B3GALT1: variants seen among roughly 807,000 people sequenced by gnomAD.
B3GALT1 encodes the protein beta-1,3-galactosyltransferase 1.
A neutral mutation model predicts 23.2 loss-of-function variants in B3GALT1; 10 were observed. The ratio of observed to expected loss-of-function variants is 0.43; its 90% CI spans 0.27 to 0.73. The LOEUF is 0.73. B3GALT1 is among the 30% of genes least tolerant of loss of function. The probability of loss-of-function intolerance (pLI) is 0.21; values close to 1 mark genes in which losing one functional copy is unlikely to be tolerated. For synonymous variants in B3GALT1, 156 were observed against 141.5 expected, an observed-to-expected ratio of 1.10 and a Z score of -0.73; for missense variants, 299 against 405.4, an observed-to-expected ratio of 0.74 and a Z score of 2.25.
At chr2:167,762,281 C>T (rs1296256247) in intron 3 of B3GALT1, among the ~76,000 whole-genome samples, 3 of 152,080 alleles carry the variant, frequency 2.0e-5, no homozygotes, top group African/African-American at 7.2e-5. Context: ...CCAATACATA[C>T]AAGAAATTCA....
intron 2 of B3GALT1, among the ~76,000 whole-genome samples, chr2:167,581,872 C>T (rs770264874): frequency 6.6e-6 from 1 of 151,988 alleles, no homozygotes; most frequent in Non-Finnish European, 1.5e-5. Flanking sequence ...ATTAGAGTGC[C>T]GAGAAATAAA....
intron 2 of B3GALT1, among the ~76,000 whole-genome samples, chr2:167,599,454 C>T (rs561810875): frequency 6.6e-6 from 1 of 152,290 alleles, no homozygotes; most frequent in East Asian, 1.9e-4. Flanking sequence ...TCCATGTGCA[C>T]ATCACATTCA....
intron 2 of B3GALT1, among the ~76,000 whole-genome samples, chr2:167,582,173 C>G (rs1574151327): frequency 6.6e-6 from 1 of 152,140 alleles, no homozygotes; most frequent in Non-Finnish European, 1.5e-5. Flanking sequence ...AGCCGGTTGA[C>G]CAGTTTAATT....
chr2:167,460,471 T>A (rs1159692215), intron 1 of B3GALT1, among the ~76,000 whole-genome samples: 5 of 152,162 alleles, frequency 3.3e-5, no homozygotes, highest in Non-Finnish European at 1.5e-5. Context: ...GATTTTTTTG[T>A]CTCTTTCCTG....
chr2:167,741,929 AATAT>A, intron 3 of B3GALT1, among the ~76,000 whole-genome samples: 1 of 152,340 alleles, frequency 6.6e-6, no homozygotes, highest in Admixed American at 6.5e-5. Flanking sequence ...TAAGGAATAT[AATAT>A]ACCACAAGGT....
chr2:167,611,995 G>T (rs1393804874), intron 2 of B3GALT1, among the ~76,000 whole-genome samples: 1 of 151,996 alleles, frequency 6.6e-6, no homozygotes, highest in African/African-American at 2.4e-5. Context: ...GCCTGTTGAT[G>T]AATTGCTTTA....
At chr2:167,484,475 C>G (rs886185893) in intron 1 of B3GALT1, among the ~76,000 whole-genome samples, 4 of 152,152 alleles carry the variant, frequency 2.6e-5, no homozygotes, top group African/African-American at 7.2e-5. Flanking sequence ...TCAATCAATA[C>G]TATGAGTTAT....
At chr2:167,808,738 T>C (rs1460972685) in intron 3 of B3GALT1, among the ~76,000 whole-genome samples, 1 of 152,108 alleles carries the variant, frequency 6.6e-6, no homozygotes, top group Non-Finnish European at 1.5e-5. Context: ...ATTTCAACTT[T>C]GGTGAATCTG....
intron 1 of B3GALT1, among the ~76,000 whole-genome samples, chr2:167,351,138 G>A (rs889476605): frequency 1.2e-4 from 18 of 151,856 alleles, no homozygotes; most frequent in Non-Finnish European, 5.9e-5. Flanking sequence ...GCATGGTGGC[G>A]GGTGCCTGTA....
At chr2:167,431,489 A>G (rs1698703021) in intron 1 of B3GALT1, among the ~76,000 whole-genome samples, 1 of 152,232 alleles carries the variant, frequency 6.6e-6, no homozygotes, top group South Asian at 2.1e-4. Context: ...TCATGTTTAA[A>G]TGACAGTTTA....
At chr2:167,301,215 A>T (rs1243070066) in intron 1 of B3GALT1, among the ~76,000 whole-genome samples, 1 of 152,220 alleles carries the variant, frequency 6.6e-6, no homozygotes, top group Non-Finnish European at 1.5e-5. Context: ...CTTCAGTTGC[A>T]TGCTATAGAA....
At chr2:167,820,936 G>A (rs1689092796) in intron 4 of B3GALT1, among the ~76,000 whole-genome samples, 1 of 152,156 alleles carries the variant, frequency 6.6e-6, no homozygotes, top group African/African-American at 2.4e-5. Context: ...GACTCTAAAT[G>A]CTTTTGATTT....
intron 1 of B3GALT1, among the ~76,000 whole-genome samples, chr2:167,381,693 AT>A (rs1267159317): frequency 6.6e-6 from 1 of 152,214 alleles, no homozygotes; most frequent in Non-Finnish European, 1.5e-5. Flanking sequence ...TGAAAATCTG[AT>A]TTACCATTGC....
chr2:167,686,844 C>T (rs928780148), intron 3 of B3GALT1, among the ~76,000 whole-genome samples: 22 of 152,194 alleles, frequency 1.4e-4, no homozygotes, highest in African/African-American at 5.3e-4. Flanking sequence ...ACTGCTTTCT[C>T]TCTCTGCCGT....
At chr2:167,665,327 T>A (rs1459259362) in intron 3 of B3GALT1, among the ~76,000 whole-genome samples, 1 of 123,286 alleles carries the variant, frequency 8.1e-6, no homozygotes, top group Non-Finnish European at 1.7e-5. Context: ...TTGATCATGG[T>A]GGATAAGCTT....
At chr2:167,613,636 T>G (rs2105433812) in intron 2 of B3GALT1, among the ~76,000 whole-genome samples, 1 of 151,852 alleles carries the variant, frequency 6.6e-6, no homozygotes, top group Non-Finnish European at 1.5e-5. Flanking sequence ...AAAAATATAC[T>G]TAAGCACTTT....
At chr2:167,404,508 A>T (rs537190311) in intron 1 of B3GALT1, among the ~76,000 whole-genome samples, 11 of 152,152 alleles carry the variant, frequency 7.2e-5, no homozygotes, top group Non-Finnish European at 1.3e-4. Context: ...TTTCCTTTCT[A>T]TTCAGTATAA....
intron 1 of B3GALT1, among the ~76,000 whole-genome samples, chr2:167,456,670 G>T (rs1401594406): frequency 6.6e-6 from 1 of 152,074 alleles, no homozygotes; most frequent in Non-Finnish European, 1.5e-5. Flanking sequence ...ACAGCTCACA[G>T]AACTCAGAAA....
chr2:167,808,806 A>G (rs1017155081), intron 3 of B3GALT1, among the ~76,000 whole-genome samples: 1 of 152,000 alleles, frequency 6.6e-6, no homozygotes, highest in Admixed American at 6.6e-5. Context: ...CATTCTCTGT[A>G]TTTCCCGAAT....
Sources: allele counts gnomAD v4.1 joint callset (sites outside exome capture counted in the v4.1 genomes callset), GRCh38; gene constraint gnomAD v4.1.1; transcripts MANE v1.5; gene names NCBI Gene and HGNC (gene_info 2026-07-23, HGNC 2026-07-21).